The following EMCN variants were observed in gnomAD, a reference collection of about 807,000 sequenced individuals.
The protein encoded by EMCN is endomucin.
Under a neutral mutation model 38.4 loss-of-function variants are expected in EMCN, and 37 were observed. That is an observed-to-expected ratio of 0.96 (90% CI 0.74 to 1.27). The LOEUF (loss-of-function observed/expected upper bound fraction) is 1.27. Ranked by LOEUF, EMCN falls within the 50% of genes most tolerant of loss-of-function variation. The pLI is 0.00. For synonymous variants in EMCN, 95 were observed against 100.8 expected (o/e 0.94, Z 0.35); for missense variants, 318 against 302.8 (o/e 1.05, Z -0.37).
At chr4:100,498,421 A>G (rs2110298257) in intron 1 of EMCN, among the ~76,000 whole-genome samples, 1 of 152,360 alleles carries the variant, frequency 6.6e-6, no homozygotes, top group East Asian at 1.9e-4. Flanking sequence ...TATAATTATA[A>G]GCTAAATCAA....
chr4:100,446,510 A>AT (rs1727677279), intron 5 of EMCN, among the ~76,000 whole-genome samples: 1 of 151,994 alleles, frequency 6.6e-6, no homozygotes, highest in Non-Finnish European at 1.5e-5. Context: ...GTCACTCATA[A>AT]TTTTTTTATT....
chr4:100,445,976 G>A, intron 5 of EMCN: 1 of 752,064 alleles, frequency 1.3e-6, no homozygotes, highest in Non-Finnish European at 1.6e-6. Context: ...GCCTAAATGA[G>A]CTTTTGTTCC....
At chr4:100,422,126 C>T (rs983724038) in intron 7 of EMCN, among the ~76,000 whole-genome samples, 2 of 152,030 alleles carry the variant, frequency 1.3e-5, no homozygotes, top group Admixed American at 1.3e-4. Context: ...ATTAAGATGA[C>T]TATTAGTTTA....
At chr4:100,413,468 G>C (rs1726622943) in intron 10 of EMCN, among the ~76,000 whole-genome samples, 1 of 152,052 alleles carries the variant, frequency 6.6e-6, no homozygotes, top group Non-Finnish European at 1.5e-5. Context: ...CTTGAGTGTA[G>C]TGAGCATAGC....
At chr4:100,440,366 G>A (rs1578195905) in intron 5 of EMCN, among the ~76,000 whole-genome samples, 1 of 151,934 alleles carries the variant, frequency 6.6e-6, no homozygotes, top group Non-Finnish European at 1.5e-5. Context: ...TACCTAATGT[G>A]CAGTTTGTAT....
chr4:100,414,988 C>T (rs77987009), intron 10 of EMCN, among the ~76,000 whole-genome samples: 12,645 of 152,218 alleles, frequency 0.083, 927 homozygotes, highest in African/African-American at 0.2. Flanking sequence ...TTCCGCCCCC[C>T]GGGTTCCAGC....
chr4:100,482,817 CATTTTT>C (rs1728847212), intron 1 of EMCN, among the ~76,000 whole-genome samples: 1 of 152,092 alleles, frequency 6.6e-6, no homozygotes, highest in Non-Finnish European at 1.5e-5. Flanking sequence ...TGCAAGCCTT[CATTTTT>C]ATATTTATTA....
intron 1 of EMCN, among the ~76,000 whole-genome samples, chr4:100,513,053 A>G (rs990214568): frequency 2.0e-5 from 3 of 152,136 alleles, no homozygotes; most frequent in South Asian, 2.1e-4. Flanking sequence ...ACCCTTAAAT[A>G]TTCATTTTTT....
At chr4:100,422,096 T>C (rs976590116) in intron 7 of EMCN, among the ~76,000 whole-genome samples, 2 of 152,058 alleles carry the variant, frequency 1.3e-5, no homozygotes, top group Admixed American at 6.6e-5. Context: ...AGAGCTGTCA[T>C]AGACACACAA....
chr4:100,460,318 G>T (rs1241041519), intron 4 of EMCN, among the ~76,000 whole-genome samples: 1 of 151,924 alleles, frequency 6.6e-6, no homozygotes, highest in Non-Finnish European at 1.5e-5. Flanking sequence ...TATATATTTT[G>T]TATGTTAACC....
intron 5 of EMCN, among the ~76,000 whole-genome samples, chr4:100,441,107 T>C (rs1727503755): frequency 6.6e-6 from 1 of 151,632 alleles, no homozygotes. Context: ...AAAAGTGGGG[T>C]ATTAAAGTCC....
rs140345340 is a variant in EMCN at position 100,405,234 on chromosome 4, T to C, written c.*39+5048A>G. On this transcript the variant is annotated intron_variant, in intron 11 of 11. Transcript: ENST00000296420. ...TTCTCTTGCCTGACTGCTCTGGCTA[T>C]GACTCCCAATACCATGTGAATATGA... is the stretch of plus-strand genomic sequence containing the variant. Among the ~76,000 whole-genome samples the C allele has an allele frequency of 5.0e-3, 764 of 152,178 alleles. 12 individuals are homozygous for C. Among genetic ancestry groups the C allele is most frequent in the African/African-American group, 0.017 (723 of 41,574 alleles).
chr4:100,414,348 CTTTTTTTTTTTTTTT>C (rs5860622), intron 10 of EMCN, among the ~76,000 whole-genome samples: 3 of 59,804 alleles, frequency 5.0e-5, no homozygotes, highest in African/African-American at 2.0e-4. Context: ...TGCTTGAGCA[CTTTTTTTTTTTTTTT>C]TTTTTTTTTT....
chr4:100,428,219 G>A (rs1012185172), intron 5 of EMCN, among the ~76,000 whole-genome samples: 7 of 152,012 alleles, frequency 4.6e-5, no homozygotes, highest in Non-Finnish European at 1.5e-5. Flanking sequence ...CCTCAACTCC[G>A]CCCACTTGCT....
chr4:100,479,002 A>G (rs1005771151), intron 2 of EMCN, among the ~76,000 whole-genome samples: 1 of 152,160 alleles, frequency 6.6e-6, no homozygotes, highest in Non-Finnish European at 1.5e-5. Context: ...TTATAATCAA[A>G]CAATGCAGAA....
rs145005205 is a variant in EMCN, at chr4:100,421,541, G to A, written c.569-164C>T. ...CCTCTGATTCATGGGGTTTGCTCTA[G>A]TTGTCATCTTTGACATAACCACTTG... is the stretch of plus-strand genomic sequence containing the variant. On this transcript the variant is annotated intron_variant, in intron 7 of 11. Coordinates refer to ENST00000296420, the MANE Select transcript of EMCN (RefSeq NM_016242.4). Among the ~76,000 whole-genome samples the A allele has an allele frequency of 1.3e-3, 197 of 152,112 alleles. 1 individual carries two copies. Among genetic ancestry groups the A allele is most frequent in the African/African-American group, 3.9e-3 (163 of 41,552 alleles).
At position 100,465,552 on chromosome 4, in the gene EMCN, T is replaced by C; in HGVS notation, c.260-13A>G. 1 of 1,473,624 alleles carries C rather than the reference T, an allele frequency of 6.8e-7. No homozygotes were observed. The highest frequency in any genetic ancestry group is 9.4e-7 in the Non-Finnish European group (1 of 1,061,138). The allele number at this position is 1,473,624 out of a possible 1,614,324, so 91.3% of individuals were successfully genotyped here. ...GTGGCTTTCAATCCTATAAAAAGAATGAACAGTCATCAGGAGTATAACAAA... is the reference window on the plus strand; with the variant it reads ...GTGGCTTTCAATCCTATAAAAAGAACGAACAGTCATCAGGAGTATAACAAA... On this transcript the variant is annotated splice_polypyrimidine_tract_variant and intron_variant, in intron 3 of 11. Coordinates refer to ENST00000296420, the MANE Select transcript of EMCN (RefSeq NM_016242.4).
At chr4:100,423,436 T>G in intron 5 of EMCN, 32 bp from the exon 6 acceptor site, 1 of 1,484,194 alleles carries the variant, frequency 6.7e-7, no homozygotes. Flanking sequence ...AGAATCAGGC[T>G]ATGGTATTAA....
At chr4:100,434,164 C>A (rs977699816) in intron 5 of EMCN, among the ~76,000 whole-genome samples, 1 of 151,872 alleles carries the variant, frequency 6.6e-6, no homozygotes, top group South Asian at 2.1e-4. Flanking sequence ...ATCAAATAGA[C>A]AAAATCAGAA....
Sources: gnomAD v4.1 joint callset for allele counts (sites outside exome capture counted in the v4.1 genomes callset) on GRCh38, gnomAD v4.1.1 for gene constraint, MANE v1.5 for transcripts, NCBI Gene and HGNC (gene_info 2026-07-23, HGNC 2026-07-21) for gene names.